Variants in GRIN2A observed in about 807,000 individuals in gnomAD.
GRIN2A encodes glutamate receptor ionotropic, NMDA 2A.
GRIN2A carries 22 observed loss-of-function variants against 113.4 expected under a neutral mutation model. The observed-to-expected ratio is 0.19, with a 90% CI of 0.14 to 0.28. GRIN2A has a LOEUF of 0.28. Among genes scored for constraint, GRIN2A ranks in the 10% least tolerant of loss-of-function variants. The probability of loss-of-function intolerance (pLI) is 1.00; values close to 1 mark genes in which losing one functional copy is unlikely to be tolerated. For missense variants in GRIN2A, 1,502 were observed against 1,887.0 expected (o/e 0.80, Z 3.78); for synonymous variants, 827 against 738.4 (o/e 1.12, Z -1.94).
At chr16:10,068,298 G>C (rs1311405664) in intron 2 of GRIN2A, among the ~76,000 whole-genome samples, 1 of 152,198 alleles carries the variant, frequency 6.6e-6, no homozygotes, top group African/African-American at 2.4e-5. Flanking sequence ...CTCAGACTGG[G>C]TAATTTATAA....
chr16:10,078,879 A>T (rs1212198728), intron 2 of GRIN2A, among the ~76,000 whole-genome samples: 2 of 152,226 alleles, frequency 1.3e-5, no homozygotes, highest in Non-Finnish European at 2.9e-5. Context: ...ACTGCCTGCC[A>T]CATCACCGTC....
chr16:10,036,449 CTTTTTTTTTTTTTTT>C (rs369821921), intron 2 of GRIN2A, among the ~76,000 whole-genome samples: 5 of 45,986 alleles, frequency 1.1e-4, no homozygotes, highest in Non-Finnish European at 1.5e-4. Context: ...TTTTTTTTTT[CTTTTTTTTTTTTTTT>C]TTTTTTTTTT....
At chr16:9,930,466 C>A (rs546898367) in intron 3 of GRIN2A, among the ~76,000 whole-genome samples, 1 of 152,332 alleles carries the variant, frequency 6.6e-6, no homozygotes, top group South Asian at 2.1e-4. Context: ...TCTGGATTCT[C>A]TCACCTCGTA....
intron 2 of GRIN2A, among the ~76,000 whole-genome samples, chr16:10,130,766 T>G (rs1446169469): frequency 6.6e-6 from 1 of 152,208 alleles, no homozygotes. Context: ...CCCACTGTCA[T>G]GTCTTCATTA....
At chr16:9,791,349 T>C (rs908534279) in intron 11 of GRIN2A, among the ~76,000 whole-genome samples, 2 of 151,978 alleles carry the variant, frequency 1.3e-5, no homozygotes, top group Non-Finnish European at 1.5e-5. Flanking sequence ...TCCACACTTA[T>C]CTAAAAAAAA....
At chr16:9,876,628 T>C (rs1160223917) in intron 4 of GRIN2A, among the ~76,000 whole-genome samples, 1 of 152,164 alleles carries the variant, frequency 6.6e-6, no homozygotes, top group Non-Finnish European at 1.5e-5. Context: ...CCCGGGGATA[T>C]TTTATTAGTC....
chr16:9,870,265 A>G (rs1023706680), intron 4 of GRIN2A, among the ~76,000 whole-genome samples: 3 of 152,222 alleles, frequency 2.0e-5, no homozygotes, highest in African/African-American at 7.2e-5. Context: ...TTTCATAACT[A>G]TAAATGTAAC....
At chr16:9,935,701 T>C (rs1031985161) in intron 3 of GRIN2A, among the ~76,000 whole-genome samples, 1 of 152,028 alleles carries the variant, frequency 6.6e-6, no homozygotes, top group Non-Finnish European at 1.5e-5. Context: ...CCTTTTATTA[T>C]TATTATTTTT....
chr16:10,065,957 A>G (rs537876609), intron 2 of GRIN2A, among the ~76,000 whole-genome samples: 4 of 152,168 alleles, frequency 2.6e-5, no homozygotes, highest in Non-Finnish European at 5.9e-5. Context: ...TCACCTACCC[A>G]TACCTTAAAG....
At chr16:9,776,863 C>T (rs1293035170) in intron 11 of GRIN2A, among the ~76,000 whole-genome samples, 5 of 152,152 alleles carry the variant, frequency 3.3e-5, no homozygotes, top group African/African-American at 1.2e-4. Flanking sequence ...GATTCATTGG[C>T]AGGCTCATGT....
chr16:9,826,306 A>G (rs2042386485), intron 9 of GRIN2A, among the ~76,000 whole-genome samples: 1 of 152,156 alleles, frequency 6.6e-6, no homozygotes, highest in African/African-American at 2.4e-5. Context: ...CCTCTGTCAG[A>G]GTGATTCCCA....
intron 2 of GRIN2A, chr16:10,112,550 A>T: frequency 1.3e-6 from 1 of 783,478 alleles, no homozygotes; most frequent in South Asian, 1.3e-5. Flanking sequence ...CCTGCTGGCC[A>T]CCACCACGGA....
At chr16:10,006,448 G>A (rs2046405949) in intron 2 of GRIN2A, among the ~76,000 whole-genome samples, 1 of 152,140 alleles carries the variant, frequency 6.6e-6, no homozygotes, top group South Asian at 2.1e-4. Flanking sequence ...TTCTGGCTGT[G>A]GCTAGAAGAA....
chr16:10,177,331 A>G (rs1472744894), intron 2 of GRIN2A, among the ~76,000 whole-genome samples: 6 of 152,252 alleles, frequency 3.9e-5, no homozygotes, highest in Non-Finnish European at 7.4e-5. Context: ...ACCGTTCCAC[A>G]TGGGGACCAG....
chr16:9,820,932 GA>G (rs1314802020), intron 10 of GRIN2A, among the ~76,000 whole-genome samples: 1 of 152,164 alleles, frequency 6.6e-6, no homozygotes, highest in East Asian at 1.9e-4. Context: ...CTTAACTTCT[GA>G]ATAAATGCTC....
intron 11 of GRIN2A, among the ~76,000 whole-genome samples, chr16:9,796,381 C>G (rs1377313511): frequency 6.6e-6 from 1 of 152,118 alleles, no homozygotes; most frequent in African/African-American, 2.4e-5. Context: ...TAGTTCATCC[C>G]CTGTAAGGGT....
chr16:10,054,694 A>G (rs1345596475), intron 2 of GRIN2A, among the ~76,000 whole-genome samples: 1 of 152,230 alleles, frequency 6.6e-6, no homozygotes, highest in Non-Finnish European at 1.5e-5. Flanking sequence ...GTTAAAATAA[A>G]TCCACTAAAG....
intron 2 of GRIN2A, among the ~76,000 whole-genome samples, chr16:10,046,060 G>T (rs902722047): frequency 1.8e-4 from 28 of 151,984 alleles, no homozygotes; most frequent in African/African-American, 5.8e-4. Flanking sequence ...AGACAAAATT[G>T]TCCCCAGTTG....
chr16:10,079,002 T>C (rs1336425971), intron 2 of GRIN2A, among the ~76,000 whole-genome samples: 1 of 152,234 alleles, frequency 6.6e-6, no homozygotes, highest in Non-Finnish European at 1.5e-5. Flanking sequence ...CTTATGCTCA[T>C]AGCTCCATTC....
Sources: gnomAD v4.1 joint callset for allele counts (sites outside exome capture counted in the v4.1 genomes callset) on GRCh38, gnomAD v4.1.1 for gene constraint, MANE v1.5 for transcripts, NCBI Gene and HGNC (gene_info 2026-07-23, HGNC 2026-07-21) for gene names.